The following DAD1 variants were observed in gnomAD, a reference collection of about 807,000 sequenced individuals.
The protein encoded by DAD1 is dolichyl-diphosphooligosaccharide--protein glycosyltransferase subunit DAD1.
DAD1 carries 4 observed loss-of-function variants against 9.0 expected under a neutral mutation model. The ratio of observed to expected loss-of-function variants is 0.44; its 90% CI spans 0.22 to 1.01. The LOEUF (loss-of-function observed/expected upper bound fraction) is 1.01, where lower values mean the gene tolerates loss of function less well. Among genes scored for constraint, DAD1 ranks in the 50% least tolerant of loss-of-function variants. The pLI is 0.24. For synonymous variants in DAD1, 60 were observed against 62.5 expected (o/e 0.96, Z 0.19); for missense variants, 119 against 137.3 (o/e 0.87, Z 0.67).
chr14:22,567,793 C>T (rs2037011116), intron 2 of DAD1, among the ~76,000 whole-genome samples: 1 of 152,188 alleles, frequency 6.6e-6, no homozygotes, highest in South Asian at 2.1e-4. Context: ...CCCTCCCTAG[C>T]CAAAGTCAGG....
chr14:22,588,846 C>T (rs2037171769), intron 1 of DAD1, 101 bp downstream of exon 1: 6 of 1,223,702 alleles, frequency 4.9e-6, no homozygotes, highest in Non-Finnish European at 6.8e-6. Context: ...AGGCTCTTCT[C>T]ATAACTTCAA....
intron 1 of DAD1, among the ~76,000 whole-genome samples, chr14:22,587,383 A>G (rs1308681629): frequency 6.6e-6 from 1 of 152,170 alleles, no homozygotes; most frequent in Non-Finnish European, 1.5e-5. Flanking sequence ...GTTCTCATCA[A>G]GGTTCCTTCT....
At chr14:22,574,213 T>C (rs1041514953) in intron 2 of DAD1, among the ~76,000 whole-genome samples, 1 of 152,226 alleles carries the variant, frequency 6.6e-6, no homozygotes, top group Non-Finnish European at 1.5e-5. Flanking sequence ...CTTAACTATG[T>C]GGCCAGGGAA....
chr14:22,584,822 A>G (rs1393192619), intron 1 of DAD1, among the ~76,000 whole-genome samples: 4 of 152,242 alleles, frequency 2.6e-5, no homozygotes, highest in Non-Finnish European at 5.9e-5. Context: ...TGTACATGGG[A>G]GTGACACAAT....
At chr14:22,586,231 T>A (rs1288802899) in intron 1 of DAD1, among the ~76,000 whole-genome samples, 2 of 151,046 alleles carry the variant, frequency 1.3e-5, no homozygotes, top group South Asian at 2.1e-4. Context: ...TCAGAAGCTT[T>A]ACTATTACCT....
At chr14:22,571,133 C>A (rs2037036117) in intron 2 of DAD1, among the ~76,000 whole-genome samples, 1 of 151,710 alleles carries the variant, frequency 6.6e-6, no homozygotes, top group African/African-American at 2.4e-5. Flanking sequence ...ACCAGCCTAG[C>A]CAACAGAGTG....
Position 22,565,033 on chromosome 14 carries a change from T to G in DAD1, c.*149A>C. 1.4e-6 allele frequency: 1 copy of G among 690,680 alleles called. No individual in the cohort carries two copies. 42.8% of individuals were successfully genotyped at this position (690,680 alleles called of 1,614,324 possible). On this transcript the variant is annotated 3_prime_UTR_variant, in exon 3 of 3. Transcript: ENST00000250498. ...CACAGTGAACTCTGGGCTTTTCTCCTGCATAAAAAGCAGAGCTAGCAGTAA... is the reference window on the plus strand; with the variant it reads ...CACAGTGAACTCTGGGCTTTTCTCCGGCATAAAAAGCAGAGCTAGCAGTAA...
chr14:22,588,456 AAGT>A (rs1400972864), intron 1 of DAD1, among the ~76,000 whole-genome samples: 1 of 152,254 alleles, frequency 6.6e-6, no homozygotes, highest in Non-Finnish European at 1.5e-5. Flanking sequence ...ACAAGAAAAA[AAGT>A]AGTAGCAGCT....
intron 1 of DAD1, among the ~76,000 whole-genome samples, chr14:22,586,218 T>C (rs1042672311): frequency 1.4e-5 from 2 of 142,404 alleles, no homozygotes; most frequent in African/African-American, 5.3e-5. Context: ...AAAAAAAGCA[T>C]CTTCAGAAGC....
intron 1 of DAD1, 61 bp downstream of exon 1, chr14:22,588,885 GA>G: frequency 1.3e-6 from 2 of 1,554,760 alleles, no homozygotes; most frequent in Non-Finnish European, 1.8e-6. Context: ...AGAGTACTAT[GA>G]AAACAAAAGC....
chr14:22,565,511 T>C (rs904392481), intron 2 of DAD1, among the ~76,000 whole-genome samples: 4 of 152,192 alleles, frequency 2.6e-5, no homozygotes, highest in African/African-American at 9.7e-5. Context: ...AAGAGCTTTC[T>C]GGAATCTAAA....
chr14:22,580,965 T>C (rs1478313465), intron 1 of DAD1, among the ~76,000 whole-genome samples: 1 of 152,118 alleles, frequency 6.6e-6, no homozygotes. Flanking sequence ...TTCAAAATGC[T>C]CCACTACCAA....
At chr14:22,583,405 C>A (rs1293521189) in intron 1 of DAD1, among the ~76,000 whole-genome samples, 1 of 152,044 alleles carries the variant, frequency 6.6e-6, no homozygotes, top group Non-Finnish European at 1.5e-5. Context: ...GAAGCCAATA[C>A]CTACATTAAA....
intron 1 of DAD1, among the ~76,000 whole-genome samples, chr14:22,586,334 TC>T (rs2037153024): frequency 6.6e-6 from 1 of 151,062 alleles, no homozygotes; most frequent in African/African-American, 2.4e-5. Flanking sequence ...TCACCTGAGG[TC>T]AGGAGTTTGA....
intron 2 of DAD1, among the ~76,000 whole-genome samples, chr14:22,570,954 C>A (rs2037034103): frequency 5.3e-5 from 8 of 152,054 alleles, no homozygotes; most frequent in Admixed American, 5.2e-4. Flanking sequence ...TGATCCAATA[C>A]AGTTCTGTCC....
intron 1 of DAD1, among the ~76,000 whole-genome samples, chr14:22,580,654 C>G (rs1459197453): frequency 6.6e-6 from 1 of 151,930 alleles, no homozygotes; most frequent in Non-Finnish European, 1.5e-5. Flanking sequence ...ATCATGGTAA[C>G]CAGATTATTT....
At chr14:22,569,049 T>C (rs990432498) in intron 2 of DAD1, among the ~76,000 whole-genome samples, 4 of 152,232 alleles carry the variant, frequency 2.6e-5, no homozygotes, top group Non-Finnish European at 5.9e-5. Context: ...GCCTCTCCTA[T>C]GAATCTTTGC....
At chr14:22,572,516 A>C (rs76257668) in intron 2 of DAD1, among the ~76,000 whole-genome samples, 4,595 of 152,240 alleles carry the variant, frequency 0.03, 98 homozygotes, top group Non-Finnish European at 0.047. Context: ...TTAACACTGC[A>C]ATCTGGGATT....
intron 2 of DAD1, among the ~76,000 whole-genome samples, chr14:22,571,686 A>G (rs1039633504): frequency 1.4e-5 from 2 of 143,434 alleles, no homozygotes; most frequent in East Asian, 2.0e-4. Flanking sequence ...CTGGAGTGCA[A>G]TGGTGCAATT....
Sources: allele counts gnomAD v4.1 joint callset (sites outside exome capture counted in the v4.1 genomes callset), GRCh38; gene constraint gnomAD v4.1.1; transcripts MANE v1.5; gene names NCBI Gene and HGNC (gene_info 2026-07-23, HGNC 2026-07-21).